The following MAP3K9 variants were observed in gnomAD, a reference collection of about 807,000 sequenced individuals.
The protein encoded by MAP3K9 is mitogen-activated protein kinase kinase kinase 9, also known as mixed lineage kinase 1 (tyr and ser/thr specificity).
A neutral mutation model predicts 95.8 loss-of-function variants in MAP3K9; 46 were observed. The ratio of observed to expected loss-of-function variants is 0.48; its 90% CI spans 0.38 to 0.61. The LOEUF (loss-of-function observed/expected upper bound fraction) is 0.61, where lower values mean the gene tolerates loss of function less well. MAP3K9 is among the 20% of genes least tolerant of loss of function. The probability of loss-of-function intolerance (pLI) is 0.00; values close to 1 mark genes in which losing one functional copy is unlikely to be tolerated. For synonymous variants in MAP3K9, 533 were observed against 593.8 expected, an observed-to-expected ratio of 0.90 and a Z score of 1.49; for missense variants, 1,296 against 1,474.3, an observed-to-expected ratio of 0.88 and a Z score of 1.98.
intron 7 of MAP3K9, among the ~76,000 whole-genome samples, chr14:70,739,239 C>T (rs972899867): frequency 2.0e-5 from 3 of 152,224 alleles, no homozygotes; most frequent in Non-Finnish European, 4.4e-5. Context: ...AAGCGATTCT[C>T]TTGCCTCAGT....
At chr14:70,731,515 C>G (rs971748342) in intron 11 of MAP3K9, among the ~76,000 whole-genome samples, 1 of 152,228 alleles carries the variant, frequency 6.6e-6, no homozygotes, top group African/African-American at 2.4e-5. Context: ...TGCTTTCCCA[C>G]TACGGCAGCG....
At chr14:70,746,229 C>A (rs574426798) in intron 5 of MAP3K9, among the ~76,000 whole-genome samples, 1 of 152,260 alleles carries the variant, frequency 6.6e-6, no homozygotes, top group South Asian at 2.1e-4. Context: ...AACACAAACC[C>A]CAGATGACAC....
At chr14:70,803,534 T>A (rs2139865935) in intron 1 of MAP3K9, among the ~76,000 whole-genome samples, 1 of 152,240 alleles carries the variant, frequency 6.6e-6, no homozygotes, top group Non-Finnish European at 1.5e-5. Flanking sequence ...AACGCCTCCG[T>A]TCTCCACTCA....
Position 70,750,212 on chromosome 14 carries a change from ATGTGATAT to A in MAP3K9, c.1002-139_1002-132del, listed in dbSNP as rs1296579526. ...TGAGACTAATGAAACAGAAATACTA[ATGTGATAT>A]AAAAGGGAAACCATAAAGCCTACTA... On this transcript the variant is annotated intron_variant, in intron 3 of 11. Coordinates refer to ENST00000554752, the MANE Select transcript of MAP3K9 (RefSeq NM_001284230.2). 2.2e-5 allele frequency: 19 copies of A among 857,592 alleles called. No individual in the cohort carries two copies. In the East Asian group the frequency reaches 5.0e-4, roughly 23 times the overall value. The allele number at this position is 857,592 out of a possible 1,614,324, so 53.1% of individuals were successfully genotyped here.
chr14:70,794,659 C>T (rs528893717), intron 2 of MAP3K9, among the ~76,000 whole-genome samples: 9 of 151,028 alleles, frequency 6.0e-5, no homozygotes, highest in South Asian at 4.2e-4. Flanking sequence ...CCTGTTTTTC[C>T]GTTTTCTTTT....
At chr14:70,794,450 C>T (rs546035888) in intron 2 of MAP3K9, among the ~76,000 whole-genome samples, 4 of 152,208 alleles carry the variant, frequency 2.6e-5, no homozygotes, top group African/African-American at 9.6e-5. Context: ...CCACACAGAA[C>T]AACAATGAAA....
rs1328695833 is a variant in MAP3K9 at position 70,800,698 on chromosome 14, G to A, written c.789C>T (p.Pro263=). 4 of 1,614,046 alleles carry A rather than the reference G, an allele frequency of 2.5e-6. No homozygotes were observed. The highest frequency in any genetic ancestry group is 1.7e-5 in the Admixed American group (1 of 60,012). Residue 263 remains proline (P), a synonymous_variant, in exon 2 of 12, where the codon CCC becomes CCT. Transcript: ENST00000554752. ...TGGACTTAAGGTCGCGGTGGATGAT[G>A]GGAACAATTGCCTCATCATGTAAGT... ...MNYLHDEAIV[P]IIHRDLKSSN...
chr14:70,784,370 C>T lies in MAP3K9; in HGVS notation c.820+16297G>A, dbSNP rs557687275. Among the ~76,000 whole-genome samples the T allele has an allele frequency of 7.9e-5, 12 of 152,202 alleles. No homozygotes were observed. In the South Asian group the frequency reaches 2.5e-3, roughly 32 times the overall value. On this transcript the variant is annotated intron_variant, in intron 2 of 11. Transcript: ENST00000554752. ...ACAAGTAAGTACAAGAGCCCAATAACATGGAAGCTTCTGCGATGGCCCAAC... is the reference window on the plus strand; with the variant it reads ...ACAAGTAAGTACAAGAGCCCAATAATATGGAAGCTTCTGCGATGGCCCAAC...
At chr14:70,749,161 G>A (rs1162450185) in intron 4 of MAP3K9, among the ~76,000 whole-genome samples, 157 bp from the exon 5 acceptor site, 1 of 152,174 alleles carries the variant, frequency 6.6e-6, no homozygotes, top group Non-Finnish European at 1.5e-5. Flanking sequence ...GGCTCAGGAA[G>A]TAAAGCAAAC....
At chr14:70,764,434 A>T (rs557161054) in intron 2 of MAP3K9, among the ~76,000 whole-genome samples, 81 of 140,406 alleles carry the variant, frequency 5.8e-4, no homozygotes, top group South Asian at 1.5e-3. Flanking sequence ...AACAACAACA[A>T]CAAAAAATGT....
At chr14:70,757,244 G>C (rs2054309857) in intron 3 of MAP3K9, among the ~76,000 whole-genome samples, 1 of 152,102 alleles carries the variant, frequency 6.6e-6, no homozygotes, top group African/African-American at 2.4e-5. Context: ...GACCAAGGCA[G>C]GTGAACAGCT....
At position 70,725,445 on chromosome 14, in the gene MAP3K9, G is replaced by C. The variant is rs889065237; in HGVS notation, c.*4935C>G. The C allele has an allele frequency of 3.3e-5, 5 of 152,218 alleles. No individual in the cohort carries two copies. Among genetic ancestry groups the C allele is most frequent in the African/African-American group, 1.2e-4 (5 of 41,442 alleles). 9.4% of individuals were successfully genotyped at this position (152,218 alleles called of 1,614,324 possible). A position where few individuals can be genotyped will look rare whatever the true frequency, so the allele number is the denominator to read the frequency against. Reference sequence around the variant, plus strand: ...AACCATAAGTCCCGGGCTGAGTCATGATAATTAGGCACCTAAACCCTGTTA... The same window carrying C: ...AACCATAAGTCCCGGGCTGAGTCATCATAATTAGGCACCTAAACCCTGTTA... On this transcript the variant is annotated 3_prime_UTR_variant, in exon 12 of 12. Coordinates refer to ENST00000554752, the MANE Select transcript of MAP3K9 (RefSeq NM_001284230.2).
intron 2 of MAP3K9, among the ~76,000 whole-genome samples, chr14:70,781,406 C>G (rs1227646694): frequency 6.6e-6 from 1 of 152,226 alleles, no homozygotes; most frequent in African/African-American, 2.4e-5. Flanking sequence ...CTCCCCTAGC[C>G]TTCAAGTCTT....
intron 2 of MAP3K9, among the ~76,000 whole-genome samples, chr14:70,788,109 TTCTC>T (rs1239579068): frequency 6.6e-6 from 1 of 152,330 alleles, no homozygotes; most frequent in Admixed American, 6.5e-5. Context: ...CTTTTCTTTT[TTCTC>T]TCTCTTTTTC....
Position 70,808,957 on chromosome 14 carries a change from G to C in MAP3K9, c.215C>G (p.Thr72Ser). The change falls in exon 1 of 12, where the codon ACC (threonine) becomes AGC (serine). Residue 72 changes from threonine (T) to serine (S), a missense_variant. Transcript: ENST00000554752. ...CTCCACCACGTCGCCCAGCCGCAGG[G>C]TCAGCTCGTCCTCGCCCGCCGCCTC... is the stretch of plus-strand genomic sequence containing the variant. ...EYEAAGEDEL[T>S]LRLGDVVEVL... 6.3e-7 allele frequency: 1 copy of C among 1,578,164 alleles called. No individual in the cohort carries two copies. The highest frequency in any genetic ancestry group is 8.6e-7 in the Non-Finnish European group (1 of 1,168,596).
intron 6 of MAP3K9, 101 bp from the exon 7 acceptor site, chr14:70,740,265 C>T: frequency 1.6e-6 from 2 of 1,286,888 alleles, no homozygotes; most frequent in Non-Finnish European, 2.1e-6. Context: ...GGACAGGCCC[C>T]AGTTTCCTGA....
chr14:70,799,204 T>C (rs190026989), intron 2 of MAP3K9, among the ~76,000 whole-genome samples: 2,048 of 152,282 alleles, frequency 0.013, 105 homozygotes, highest in Admixed American at 0.11. Context: ...GGTCTCGCTA[T>C]GTTGCCCAGG....
rs113960323 is a variant in MAP3K9 at position 70,783,297 on chromosome 14, T to G, written c.820+17370A>C. On this transcript the variant is annotated intron_variant, in intron 2 of 11. Transcript: ENST00000554752. ...AGGAAGACGGCATCCTAAAGTAAAT[T>G]CAAATTAGTCTGACTCTTATTTTTC... is the stretch of plus-strand genomic sequence containing the variant. 5.5e-3 allele frequency: 5,461 copies of G among 985,294 alleles called. 16 individuals are homozygous for G. Among genetic ancestry groups the G allele is most frequent in the South Asian group, 6.9e-3 (147 of 21,284 alleles). 61.0% of individuals were successfully genotyped at this position (985,294 alleles called of 1,614,324 possible). A position where few individuals can be genotyped will look rare whatever the true frequency, so the allele number is the denominator to read the frequency against.
Position 70,742,608 on chromosome 14 carries a change from ACC to A in MAP3K9, c.1327-19_1327-18del. On this transcript the variant is annotated intron_variant, in intron 5 of 11. Coordinates refer to ENST00000554752, the MANE Select transcript of MAP3K9 (RefSeq NM_001284230.2). Reference sequence around the variant, plus strand: ...GCGAAGTTCCTGCAGGATGGGCAGAACCATCAGAGAAAAGACTGGGGTGCTCA... The same window carrying A: ...GCGAAGTTCCTGCAGGATGGGCAGAAATCAGAGAAAAGACTGGGGTGCTCA... 1 of 1,611,988 alleles carries A rather than the reference ACC, an allele frequency of 6.2e-7. No individual in the cohort carries two copies.
Sources: allele counts gnomAD v4.1 joint callset (sites outside exome capture counted in the v4.1 genomes callset), GRCh38; gene constraint gnomAD v4.1.1; transcripts MANE v1.5; gene names NCBI Gene and HGNC (gene_info 2026-07-23, HGNC 2026-07-21).